Variants in ADD1 observed in about 807,000 individuals in gnomAD.
ADD1 encodes the protein alpha-adducin.
Under a neutral mutation model 80.5 loss-of-function variants are expected in ADD1, and 24 were observed. The observed-to-expected ratio is 0.30, with a 90% confidence interval of 0.22 to 0.42. The LOEUF (loss-of-function observed/expected upper bound fraction) is 0.42. Ranked by LOEUF, ADD1 falls within the 10% of genes least tolerant of loss-of-function variation. The probability of loss-of-function intolerance (pLI) is 1.00; values close to 1 mark genes in which losing one functional copy is unlikely to be tolerated. For synonymous variants in ADD1, 373 were observed against 393.8 expected (o/e 0.95, Z 0.63); for missense variants, 948 against 1,019.0 (o/e 0.93, Z 0.95).
At position 2,928,359 on chromosome 4, in the gene ADD1, G is replaced by C; in HGVS notation, c.2236G>C (p.Asp746His). 6.2e-7 allele frequency: 1 copy of C among 1,613,654 alleles called. No homozygotes were observed. Among genetic ancestry groups the C allele is most frequent in the South Asian group, 1.1e-5 (1 of 91,060 alleles). ...PTEASPEPAP[D>H]PAPVAEEAAP... ...TGAGGCCAGCCCCGAGCCAGCCCCAGACCCAGCCCCGGTGGCTGAAGAGGC... is the reference window on the plus strand; with the variant it reads ...TGAGGCCAGCCCCGAGCCAGCCCCACACCCAGCCCCGGTGGCTGAAGAGGC... Residue 746 changes from aspartate to histidine, a missense_variant, in exon 16 of 16, where the codon GAC becomes CAC. Asp to His is a moderately conservative substitution (Grantham distance 81). Coordinates refer to ENST00000683351, the MANE Select transcript of ADD1 (RefSeq NM_001354761.2).
At chr4:2,874,078 G>T (rs1305564807) in intron 1 of ADD1, among the ~76,000 whole-genome samples, 1 of 152,022 alleles carries the variant, frequency 6.6e-6, no homozygotes, top group Non-Finnish European at 1.5e-5. Context: ...GCCAGGTGTG[G>T]TGATGTGGGC....
chr4:2,875,273 G>T (rs1731099938), intron 1 of ADD1, among the ~76,000 whole-genome samples: 1 of 151,998 alleles, frequency 6.6e-6, no homozygotes, highest in African/African-American at 2.4e-5. Context: ...CATATTCACA[G>T]AATTTTAAAT....
In ADD1 at chr4:2,904,919, G is replaced by A; in HGVS notation, c.1317G>A (p.Lys439=). ...CCCCACTCAGACACAGTTTTCAGAA[G>A]CAGCAGCGGGAGAAGACAAGATGGC... ...TCSPLRHSFQ[K]QQREKTRWLN... is the part of the protein sequence containing the mutation. The change falls in exon 10 of 16, where the codon AAG becomes AAA. Residue 439 remains lysine (K), a synonymous_variant. Coordinates refer to ENST00000683351, the MANE Select transcript of ADD1 (RefSeq NM_001354761.2). 6.2e-7 allele frequency: 1 copy of A among 1,614,206 alleles called. No homozygotes were observed. Among genetic ancestry groups the A allele is most frequent in the Non-Finnish European group, 8.5e-7 (1 of 1,180,040 alleles).
intron 1 of ADD1, among the ~76,000 whole-genome samples, chr4:2,863,081 A>G (rs1040871246): frequency 1.3e-5 from 2 of 151,608 alleles, no homozygotes; most frequent in African/African-American, 4.8e-5. Flanking sequence ...ACAGAGCTTC[A>G]CTCTGTCACC....
At chr4:2,917,993 C>T (rs1053706912) in intron 14 of ADD1, among the ~76,000 whole-genome samples, 2 of 152,156 alleles carry the variant, frequency 1.3e-5, no homozygotes, top group African/African-American at 4.8e-5. Context: ...TTAGGATTGT[C>T]TTGGCCATAC....
rs746825504 is a variant in ADD1, at chr4:2,915,018, G to T, written c.1926G>T (p.Glu642Asp). 2 of 1,613,546 alleles carry T rather than the reference G, an allele frequency of 1.2e-6. No individual in the cohort carries two copies. Among genetic ancestry groups the T allele is most frequent in the African/African-American group, 2.7e-5 (2 of 74,930 alleles). ...TGGAGGAGTACCGCAGGGAGGTGGA[G>T]AGGAAGCAGAAGGGCTCTGAAGGTG... is the stretch of plus-strand genomic sequence containing the variant. ...RELEEYRREV[E>D]RKQKGSEENL... Residue 642 changes from glutamate to aspartate, a missense_variant, in exon 14 of 16, where the codon GAG becomes GAT. Glu to Asp is a conservative substitution (Grantham distance 45). Transcript: ENST00000683351.
intron 1 of ADD1, among the ~76,000 whole-genome samples, chr4:2,858,203 C>G (rs927667264): frequency 6.6e-6 from 1 of 152,206 alleles, no homozygotes; most frequent in Non-Finnish European, 1.5e-5. Flanking sequence ...GAATGTTCTT[C>G]TGGTGTCCTT....
chr4:2,894,510 A>G lies in ADD1; in HGVS notation c.592-72A>G. 4.9e-6 allele frequency: 4 copies of G among 813,742 alleles called. No individual in the cohort carries two copies. The African/African-American group carries it at 5.5e-5, about 11-fold the overall frequency. The allele number at this position is 813,742 out of a possible 1,614,324, so 50.4% of individuals were successfully genotyped here. A position where few individuals can be genotyped will look rare whatever the true frequency, so the allele number is the denominator to read the frequency against. ...TGGGCGACAGAGCCAGACCCTATCA[A>G]AAAAAAAAAAAAAAAGAAAAGAAAA... is the stretch of plus-strand genomic sequence containing the variant. On this transcript the variant is annotated intron_variant, in intron 5 of 15. Coordinates refer to ENST00000683351, the MANE Select transcript of ADD1 (RefSeq NM_001354761.2).
intron 9 of ADD1, among the ~76,000 whole-genome samples, chr4:2,903,226 C>G (rs1052538865): frequency 1.3e-5 from 2 of 152,128 alleles, no homozygotes; most frequent in Non-Finnish European, 2.9e-5. Flanking sequence ...CCTCCAAGTC[C>G]TGATTCTCTT....
intron 1 of ADD1, among the ~76,000 whole-genome samples, chr4:2,852,247 C>CCTTTCTTTCTTTCTT (rs1364160509): frequency 1.5e-5 from 1 of 66,248 alleles, no homozygotes; most frequent in Non-Finnish European, 3.1e-5. Context: ...TTCTTTCTTT[C>CCTTTCTTTCTTTCTT]TCTTTCTTTC....
intron 2 of ADD1, among the ~76,000 whole-genome samples, chr4:2,876,954 A>G (rs1198382192): frequency 2.0e-5 from 3 of 148,510 alleles, no homozygotes; most frequent in Admixed American, 6.8e-5. Context: ...GTGAGCGGAG[A>G]TTGTGCTACT....
At chr4:2,909,559 T>G (rs1235067334) in intron 13 of ADD1, 128 bp downstream of exon 13, 4 of 684,414 alleles carry the variant, frequency 5.8e-6, no homozygotes, top group Non-Finnish European at 7.7e-6. Context: ...TTAACCTGTT[T>G]GTGAGATTGT....
intron 1 of ADD1, among the ~76,000 whole-genome samples, chr4:2,869,235 T>C (rs1490423818): frequency 1.3e-5 from 2 of 152,116 alleles, no homozygotes; most frequent in Admixed American, 1.3e-4. Flanking sequence ...TTCTGGAGGC[T>C]AGAAGTCTAA....
intron 1 of ADD1, among the ~76,000 whole-genome samples, chr4:2,869,496 C>A (rs1177325091): frequency 6.6e-6 from 1 of 152,162 alleles, no homozygotes; most frequent in Non-Finnish European, 1.5e-5. Flanking sequence ...TCTGTAGCGA[C>A]CCTATTTCCA....
chr4:2,920,888 C>G (rs1257371050), intron 14 of ADD1, among the ~76,000 whole-genome samples: 3 of 152,068 alleles, frequency 2.0e-5, no homozygotes, highest in Non-Finnish European at 4.4e-5. Flanking sequence ...ATGATGCTGG[C>G]TGGTTATTTT....
intron 1 of ADD1, among the ~76,000 whole-genome samples, chr4:2,851,256 C>G (rs1027486784): frequency 7.2e-5 from 11 of 152,122 alleles, no homozygotes; most frequent in African/African-American, 2.7e-4. Context: ...GGCCCTGGAT[C>G]AAAATGGTGA....
intron 1 of ADD1, 119 bp from the exon 2 acceptor site, chr4:2,875,777 G>T: frequency 1.2e-6 from 1 of 816,534 alleles, no homozygotes; most frequent in Non-Finnish European, 1.9e-6. Context: ...GGTTTCCACT[G>T]TCAGTTGGTC....
intron 1 of ADD1, among the ~76,000 whole-genome samples, chr4:2,854,517 C>T (rs557239187): frequency 7.2e-4 from 109 of 152,100 alleles, no homozygotes; most frequent in Admixed American, 2.1e-3. Context: ...TTGTCAGTTT[C>T]TCTGTGAGTT....
chr4:2,894,384 C>G (rs571253712), intron 5 of ADD1, among the ~76,000 whole-genome samples, 198 bp from the exon 6 acceptor site: 2 of 151,666 alleles, frequency 1.3e-5, no homozygotes, highest in South Asian at 4.2e-4. Flanking sequence ...TGGCGGTACC[C>G]CAACTCTACA....
Sources: gnomAD v4.1 joint callset for allele counts (sites outside exome capture counted in the v4.1 genomes callset) on GRCh38, gnomAD v4.1.1 for gene constraint, MANE v1.5 for transcripts, NCBI Gene and HGNC (gene_info 2026-07-23, HGNC 2026-07-21) for gene names.